Variants in MYOM1 observed in about 807,000 individuals in gnomAD.
MYOM1 encodes the protein myomesin-1.
MYOM1 carries 164 observed loss-of-function variants against 205.3 expected under a neutral mutation model. That is an observed-to-expected ratio of 0.80 (90% CI 0.70 to 0.91). MYOM1 has a LOEUF of 0.91. MYOM1 is among the 40% of genes least tolerant of loss of function. The probability of loss-of-function intolerance (pLI) is 0.00; values close to 1 mark genes in which losing one functional copy is unlikely to be tolerated. For synonymous variants in MYOM1, 772 were observed against 789.4 expected, an observed-to-expected ratio of 0.98 and a Z score of 0.37; for missense variants, 2,011 against 2,127.3, an observed-to-expected ratio of 0.95 and a Z score of 1.08.
chr18:3,204,610 T>C (rs2081108046), intron 2 of MYOM1, among the ~76,000 whole-genome samples: 2 of 152,018 alleles, frequency 1.3e-5, no homozygotes, highest in South Asian at 4.1e-4. Context: ...GTTCATGGAA[T>C]GGAAAACTCA....
the MYOM1 span, among the ~76,000 whole-genome samples, chr18:3,231,439 A>G: frequency 6.6e-6 from 1 of 152,098 alleles, no homozygotes. Context: ...CATTTGGCCC[A>G]TGAAACCCTT....
chr18:3,094,188 C>T lies in MYOM1; in HGVS notation c.3846G>A (p.Lys1282=), dbSNP rs376970493. The part of the protein sequence containing the change: ...NAKVNYIFNE[K]EIFEGPKYKM... ...AACCTACCGGGCCTTCAAAAATTTC[C>T]TTCTCGTTAAATATGTAGTTGACTT... The change falls in exon 26 of 38, where the codon AAG becomes AAA. Residue 1282 remains lysine (K), a synonymous_variant. Transcript: ENST00000356443. 4.1e-5 allele frequency: 66 copies of T among 1,613,776 alleles called. No individual in the cohort carries two copies. The highest frequency in any genetic ancestry group is 5.6e-5 in the Non-Finnish European group (66 of 1,179,866).
Position 3,219,076 on chromosome 18 carries a change from C to T in MYOM1, c.-29+727G>A, listed in dbSNP as rs2081302304. ...GCTCCAACACATGACGGCTGGAGTA[C>T]GTTGGGAGGAAAGATGGTTTTAGTG... On this transcript the variant is annotated intron_variant, in intron 1 of 37. Transcript: ENST00000356443. The surrounding 1 kb of genome is among the most constrained non-coding windows in gnomAD (Gnocchi z 4.4). Among the ~76,000 whole-genome samples the T allele has an allele frequency of 6.6e-6, 1 of 152,000 alleles. No individual in the cohort carries two copies. Among genetic ancestry groups the T allele is most frequent in the African/African-American group, 2.4e-5 (1 of 41,376 alleles).
intron 27 of MYOM1, among the ~76,000 whole-genome samples, chr18:3,090,116 C>G (rs200863070): frequency 6.6e-6 from 1 of 151,982 alleles, no homozygotes. Context: ...AGTATTTAAA[C>G]GCAGTCTTGC....
chr18:3,145,917 A>T (rs1004385600), intron 13 of MYOM1, among the ~76,000 whole-genome samples: 1 of 152,158 alleles, frequency 6.6e-6, no homozygotes. Context: ...CACGAATATT[A>T]GGAATGAGAG....
At chr18:3,091,471 C>A (rs2079225961) in intron 26 of MYOM1, among the ~76,000 whole-genome samples, 1 of 150,768 alleles carries the variant, frequency 6.6e-6, no homozygotes, top group African/African-American at 2.4e-5. Flanking sequence ...AGAAGGAGAC[C>A]ATGTCTAAAA....
intron 20 of MYOM1, among the ~76,000 whole-genome samples, chr18:3,119,226 G>T (rs1316347342): frequency 6.6e-6 from 1 of 152,016 alleles, no homozygotes; most frequent in African/African-American, 2.4e-5. Flanking sequence ...AATTTCTTTT[G>T]GCTCAGAGTT....
chr18:3,119,490 T>C (rs2079653694), intron 20 of MYOM1, among the ~76,000 whole-genome samples: 1 of 152,078 alleles, frequency 6.6e-6, no homozygotes, highest in African/African-American at 2.4e-5. Flanking sequence ...GGAGAAGTGT[T>C]TGAGAAATTT....
chr18:3,216,007 C>G (rs566479722), intron 1 of MYOM1, among the ~76,000 whole-genome samples: 76 of 152,290 alleles, frequency 5.0e-4, no homozygotes, highest in Non-Finnish European at 1.0e-3. Context: ...GTGGGTCACG[C>G]CTGTAATCCC....
At chr18:3,237,516 G>T in the MYOM1 span, among the ~76,000 whole-genome samples, 1 of 149,214 alleles carries the variant, frequency 6.7e-6, no homozygotes, top group African/African-American at 2.5e-5. Flanking sequence ...GGAGAATGGC[G>T]TGAACCCGGG....
chr18:3,104,466 T>C (rs1379650907), intron 22 of MYOM1, among the ~76,000 whole-genome samples: 1 of 152,112 alleles, frequency 6.6e-6, no homozygotes, highest in African/African-American at 2.4e-5. Context: ...ATTAGAGGTA[T>C]GACAAGTGTA....
intron 13 of MYOM1, among the ~76,000 whole-genome samples, chr18:3,148,859 A>AG (rs1484426814): frequency 6.7e-6 from 1 of 149,588 alleles, no homozygotes; most frequent in East Asian, 1.9e-4. Flanking sequence ...AAAAAAAAAA[A>AG]AAAAAAAAAA....
At chr18:3,202,119 T>C (rs2081076598) in intron 2 of MYOM1, among the ~76,000 whole-genome samples, 1 of 152,218 alleles carries the variant, frequency 6.6e-6, no homozygotes, top group South Asian at 2.1e-4. Context: ...TGAGTATATA[T>C]TATCTGAAGT....
intron 33 of MYOM1, among the ~76,000 whole-genome samples, chr18:3,082,911 C>A (rs570094003): frequency 6.6e-6 from 1 of 152,262 alleles, no homozygotes; most frequent in East Asian, 1.9e-4. Context: ...TCTCACTCTG[C>A]CAGATGCTAT....
intron 10 of MYOM1, among the ~76,000 whole-genome samples, 156 bp from the exon 11 acceptor site, chr18:3,155,244 C>G (rs576627759): frequency 3.3e-5 from 5 of 151,984 alleles, no homozygotes; most frequent in Admixed American, 1.3e-4. Flanking sequence ...TTTTTTGAGA[C>G]GGAGTCTCGC....
In MYOM1 at chr18:3,119,114, T is replaced by C. The variant is rs566158368; in HGVS notation, c.3118+755A>G. ...TGTAAGAGTTACAAGCAAGGTAAGT[T>C]TCCCCCAGCCCCATCCTCGCCCCAC... On this transcript the variant is annotated intron_variant, in intron 20 of 37. Transcript: ENST00000356443. Among the ~76,000 whole-genome samples, 17 of 152,288 alleles carry C rather than the reference T, an allele frequency of 1.1e-4. 1 individual carries two copies. The South Asian group carries it at 2.7e-3, about 24-fold the overall frequency.
intron 17 of MYOM1, among the ~76,000 whole-genome samples, chr18:3,130,488 G>C (rs2079860017): frequency 6.6e-6 from 1 of 151,966 alleles, no homozygotes; most frequent in Non-Finnish European, 1.5e-5. Context: ...ATCTTGCTTT[G>C]TTGTCCAGGG....
chr18:3,224,523 G>A (rs1460120376), upstream of MYOM1, among the ~76,000 whole-genome samples: 1 of 152,208 alleles, frequency 6.6e-6, no homozygotes, highest in Non-Finnish European at 1.5e-5. Context: ...AGAACTGGCA[G>A]GTAAGTGGGA....
chr18:3,239,246 A>G, the MYOM1 span, among the ~76,000 whole-genome samples: 147 of 152,306 alleles, frequency 9.7e-4, 4 homozygotes, highest in South Asian at 0.028. Flanking sequence ...CTGGCTTTCT[A>G]TAGGAGCAAG....
Sources: allele counts gnomAD v4.1 joint callset (sites outside exome capture counted in the v4.1 genomes callset), GRCh38; gene constraint gnomAD v4.1.1; non-coding constraint Gnocchi (gnomAD v3.1); transcripts MANE v1.5; gene names NCBI Gene and HGNC (gene_info 2026-07-23, HGNC 2026-07-21).